CCDC171: variants seen among roughly 807,000 people sequenced by gnomAD.
The protein encoded by CCDC171 is coiled-coil domain-containing protein 171.
Under a neutral mutation model 168.2 loss-of-function variants are expected in CCDC171, and 177 were observed. That is an observed-to-expected ratio of 1.05 (90% CI 0.93 to 1.19). CCDC171 has a LOEUF of 1.19. Among genes scored for constraint, CCDC171 ranks in the 50% most tolerant of loss-of-function variants. The pLI is 0.00. For synonymous variants in CCDC171, 687 were observed against 540.8 expected (o/e 1.27, Z -3.75); for missense variants, 1,991 against 1,539.0 (o/e 1.29, Z -4.91).
At chr9:15,686,150 C>A (rs1222094912) in intron 10 of CCDC171, among the ~76,000 whole-genome samples, 1 of 152,064 alleles carries the variant, frequency 6.6e-6, no homozygotes, top group Non-Finnish European at 1.5e-5. Context: ...AAGCTCACTC[C>A]AAGTATGCAG....
At chr9:15,814,695 T>C (rs1298877047) in intron 21 of CCDC171, among the ~76,000 whole-genome samples, 1 of 152,050 alleles carries the variant, frequency 6.6e-6, no homozygotes, top group African/African-American at 2.4e-5. Context: ...TATAGAAAAT[T>C]TAAAAATATT....
chr9:15,596,939 C>T (rs867000239), intron 6 of CCDC171, among the ~76,000 whole-genome samples: 28 of 152,072 alleles, frequency 1.8e-4, no homozygotes, highest in African/African-American at 6.8e-4. Context: ...TGATTTGGCT[C>T]CCTGTTTGTC....
intron 4 of CCDC171, among the ~76,000 whole-genome samples, chr9:16,021,965 C>T (rs998817350): frequency 1.3e-5 from 2 of 152,184 alleles, no homozygotes; most frequent in African/African-American, 4.8e-5. Context: ...TTGTTTGTTA[C>T]TGCAGCCTAA....
chr9:16,080,284 G>A, the CCDC171 span, among the ~76,000 whole-genome samples: 2 of 152,240 alleles, frequency 1.3e-5, no homozygotes, highest in East Asian at 1.9e-4. Context: ...TATAGTGATC[G>A]CTAATCATTT....
chr9:16,049,919 C>G (rs1055905617), intron 1 of CCDC171, among the ~76,000 whole-genome samples: 1 of 152,122 alleles, frequency 6.6e-6, no homozygotes, highest in South Asian at 2.1e-4. Flanking sequence ...CAGAGTCTTA[C>G]TCTGTCACAC....
chr9:15,591,549 C>G lies in CCDC171; in HGVS notation c.536C>G (p.Thr179Ser). The change falls in exon 5 of 26, where the codon ACT becomes AGT. Residue 179 changes from threonine to serine, a missense_variant. Coordinates refer to ENST00000380701, the MANE Select transcript of CCDC171 (RefSeq NM_173550.4). The part of the protein sequence containing the change: ...LMKEKSRLEK[T>S]LQEALEKHQR... ...AAAGAAAAAAGCAGACTAGAGAAAA[C>G]TCTACAGGTAAAATAGTTTTTATAA... The G allele has an allele frequency of 1.3e-6, 2 of 1,530,624 alleles. No individual in the cohort carries two copies. Among genetic ancestry groups the G allele is most frequent in the Non-Finnish European group, 8.9e-7 (1 of 1,127,210 alleles). 94.8% of individuals were successfully genotyped at this position (1,530,624 alleles called of 1,614,324 possible).
chr9:15,589,331 T>G (rs2041821492), intron 4 of CCDC171, among the ~76,000 whole-genome samples: 1 of 152,190 alleles, frequency 6.6e-6, no homozygotes, highest in South Asian at 2.1e-4. Context: ...AGTAATTGGT[T>G]GCCAGTGTAT....
At position 15,687,918 on chromosome 9, in the gene CCDC171, C is replaced by T. The variant is rs376067612; in HGVS notation, c.1216-7317C>T. On this transcript the variant is annotated intron_variant, in intron 10 of 25. Transcript: ENST00000380701. ...GGCAGATCATGAGGTTAGGAGTTCA[C>T]GACCAGCCTGGCCAACGTAGCGAAA... 1.8e-3 allele frequency among the ~76,000 whole-genome samples: 276 copies of T among 151,860 alleles called. 2 individuals carry two copies. The highest frequency in any genetic ancestry group is 6.2e-3 in the African/African-American group (256 of 41,446).
At chr9:15,726,722 T>C (rs2053828630) in intron 14 of CCDC171, among the ~76,000 whole-genome samples, 1 of 152,126 alleles carries the variant, frequency 6.6e-6, no homozygotes, top group Admixed American at 6.5e-5. Flanking sequence ...ATAAAACTTT[T>C]ACATATGCTA....
At position 15,679,971 on chromosome 9, in the gene CCDC171, T is replaced by C. The variant is rs531914610; in HGVS notation, c.1215+1075T>C. On this transcript the variant is annotated intron_variant, in intron 10 of 25. Coordinates refer to ENST00000380701, the MANE Select transcript of CCDC171 (RefSeq NM_173550.4). ...CTTTACATCCTGTGATGCCCAGCTCTGATATCTTGCAATCTGTGAAGCTTT... is the reference window on the plus strand; with the variant it reads ...CTTTACATCCTGTGATGCCCAGCTCCGATATCTTGCAATCTGTGAAGCTTT... 1.1e-4 allele frequency among the ~76,000 whole-genome samples: 16 copies of C among 152,334 alleles called. No homozygotes were observed. In the South Asian group the frequency reaches 2.9e-3, roughly 28 times the overall value.
intron 24 of CCDC171, among the ~76,000 whole-genome samples, chr9:15,889,424 A>G (rs1196317371): frequency 6.6e-6 from 1 of 152,160 alleles, no homozygotes; most frequent in Non-Finnish European, 1.5e-5. Context: ...AGAGAAGCAC[A>G]TTCAGTCTGT....
intron 11 of CCDC171, among the ~76,000 whole-genome samples, chr9:15,714,438 A>G (rs2052920931): frequency 6.6e-6 from 1 of 152,176 alleles, no homozygotes; most frequent in African/African-American, 2.4e-5. Context: ...TGGACCGACT[A>G]GAGAGAGGCC....
At chr9:15,794,554 A>G (rs1030425708) in intron 21 of CCDC171, among the ~76,000 whole-genome samples, 1 of 151,600 alleles carries the variant, frequency 6.6e-6, no homozygotes, top group Admixed American at 6.6e-5. Flanking sequence ...AGATAATCAT[A>G]TGACTTTTCC....
At chr9:15,854,127 A>G (rs1454276168) in intron 23 of CCDC171, among the ~76,000 whole-genome samples, 1 of 149,986 alleles carries the variant, frequency 6.7e-6, no homozygotes, top group Non-Finnish European at 1.5e-5. Context: ...AGAATAGGTT[A>G]GGAGATGCTC....
intron 3 of CCDC171, among the ~76,000 whole-genome samples, chr9:16,012,941 A>G (rs1216814099): frequency 6.6e-6 from 1 of 152,116 alleles, no homozygotes; most frequent in African/African-American, 2.4e-5. Context: ...TGGGATATCA[A>G]CCATCACACC....
chr9:15,673,532 A>G (rs1266440264), intron 9 of CCDC171, among the ~76,000 whole-genome samples: 1 of 152,164 alleles, frequency 6.6e-6, no homozygotes, highest in Non-Finnish European at 1.5e-5. Flanking sequence ...ATCAATACCT[A>G]GTTCATTGAG....
chr9:15,901,825 A>G (rs1294374787), intron 24 of CCDC171, among the ~76,000 whole-genome samples: 1 of 152,210 alleles, frequency 6.6e-6, no homozygotes, highest in Non-Finnish European at 1.5e-5. Flanking sequence ...GTGTTTCAAC[A>G]TGAAAATATG....
At chr9:16,090,952 C>T in the CCDC171 span, among the ~76,000 whole-genome samples, 3 of 152,278 alleles carry the variant, frequency 2.0e-5, no homozygotes, top group South Asian at 2.1e-4. Flanking sequence ...CTGACCATAT[C>T]TTTTTTCCAC....
In CCDC171 at chr9:15,817,574, C is replaced by T. The variant is rs946048783; in HGVS notation, c.3268-29128C>T. Among the ~76,000 whole-genome samples the T allele has an allele frequency of 1.3e-3, 151 of 118,428 alleles. 49 individuals carry two copies. The highest frequency in any genetic ancestry group is 4.1e-3 in the African/African-American group (131 of 31,570). The allele number at this position is 118,428 out of a possible 152,430, so 77.7% of individuals were successfully genotyped here. On this transcript the variant is annotated intron_variant, in intron 21 of 25. Coordinates refer to ENST00000380701, the MANE Select transcript of CCDC171 (RefSeq NM_173550.4). The stretch of plus-strand genomic sequence containing the variant: ...CCAGCACCTGGCTTGGAGGGTCCTA[C>T]GCCCACGGAGCCTCGCTCATTGCTA...
Sources: allele counts gnomAD v4.1 joint callset (sites outside exome capture counted in the v4.1 genomes callset), GRCh38; gene constraint gnomAD v4.1.1; transcripts MANE v1.5; gene names NCBI Gene and HGNC (gene_info 2026-07-23, HGNC 2026-07-21).